Variants in SEPTIN8 observed in about 807,000 individuals in gnomAD.
SEPTIN8 encodes the protein septin 8.
In SEPTIN8, 22 loss-of-function variants were observed where a neutral mutation model predicts 53.1. That is an observed-to-expected ratio of 0.41 (90% CI 0.30 to 0.59). The LOEUF is 0.59. Among genes scored for constraint, SEPTIN8 ranks in the 20% least tolerant of loss-of-function variants. The probability of loss-of-function intolerance (pLI) is 0.24; values close to 1 mark genes in which losing one functional copy is unlikely to be tolerated. For synonymous variants in SEPTIN8, 228 were observed against 248.4 expected, an observed-to-expected ratio of 0.92 and a Z score of 0.77; for missense variants, 536 against 638.7, an observed-to-expected ratio of 0.84 and a Z score of 1.73.
chr5:132,761,155 T>C lies in SEPTIN8; in HGVS notation c.1073A>G (p.Glu358Gly), dbSNP rs1164773008. The C allele has an allele frequency of 6.2e-7, 1 of 1,614,074 alleles. No individual in the cohort carries two copies. Among genetic ancestry groups the C allele is most frequent in the African/African-American group, 1.3e-5 (1 of 74,910 alleles). The change falls in exon 8 of 10, where the codon GAG (glutamate) becomes GGG (glycine). Residue 358 changes from glutamate (E) to glycine (G), a missense_variant. Physicochemically the swap from Glu to Gly is moderately conservative, Grantham distance 98. Around this residue, in one of 3 missense-constraint regions of SEPTIN8, gnomAD observed 8 missense variants for 29.5 expected, o/e 0.27. Transcript: ENST00000378719. This position sits in a 1 kb window ranked among gnomAD's most constrained non-coding sequence, Gnocchi z 5.8. ...FVNKVKETEL[E>G]LKEKERELHE... ...TACCTCCCTTTCCTTCTCCTTCAGCTCCAGCTCTGTCTCCTTCACTTTGTT... is the reference window on the plus strand; with the variant it reads ...TACCTCCCTTTCCTTCTCCTTCAGCCCCAGCTCTGTCTCCTTCACTTTGTT...
At chr5:132,756,377 A>G in intron 9 of SEPTIN8, 2 of 984,802 alleles carry the variant, frequency 2.0e-6, no homozygotes, top group Non-Finnish European at 2.4e-6. Flanking sequence ...AATTTGGGCA[A>G]CGAATTATAT....
At chr5:132,764,478 C>A in intron 2 of SEPTIN8, 59 bp from the exon 3 acceptor site, 12 of 1,453,366 alleles carry the variant, frequency 8.3e-6, no homozygotes, top group Non-Finnish European at 1.1e-5. Context: ...ATGGGCTGTC[C>A]TTGACTGGTG....
chr5:132,754,214 G>C (rs1755131091), intron 9 of SEPTIN8: 2 of 557,132 alleles, frequency 3.6e-6, no homozygotes, highest in East Asian at 5.8e-5. Context: ...CCTTGCGAGA[G>C]TCAGATACAT....
intron 4 of SEPTIN8, among the ~76,000 whole-genome samples, chr5:132,762,931 C>A (rs1756146828): frequency 6.6e-6 from 1 of 152,302 alleles, no homozygotes; most frequent in South Asian, 2.1e-4. Context: ...CCAGCTTTGA[C>A]CCAGAATCCT....
At chr5:132,771,297 G>T (rs1021221070) in intron 1 of SEPTIN8, among the ~76,000 whole-genome samples, 1 of 152,326 alleles carries the variant, frequency 6.6e-6, no homozygotes, top group African/African-American at 2.4e-5. Context: ...AGCCGGGGAA[G>T]CTGTGGGTAA....
upstream of SEPTIN8, chr5:132,777,853 T>A (rs1175453708): frequency 1.0e-6 from 1 of 985,360 alleles, no homozygotes; most frequent in Non-Finnish European, 1.2e-6. The surrounding 1 kb of genome is among the most constrained non-coding windows in gnomAD (Gnocchi z 4.1). Context: ...TTCGGCTCCT[T>A]GTGCAACCAA....
chr5:132,759,752 C>T (rs1179315991), intron 9 of SEPTIN8, among the ~76,000 whole-genome samples: 1 of 152,130 alleles, frequency 6.6e-6, no homozygotes, highest in Non-Finnish European at 1.5e-5. Context: ...GGATGGTACC[C>T]AAGATAGGCC....
Position 132,761,809 on chromosome 5 carries a change from C to T in SEPTIN8, c.784G>A (p.Val262Met). 6.2e-7 allele frequency: 1 copy of T among 1,608,572 alleles called. No individual in the cohort carries two copies. Among genetic ancestry groups the T allele is most frequent in the Non-Finnish European group, 8.5e-7 (1 of 1,177,510 alleles). The change falls in exon 6 of 10, where the codon GTG (valine) becomes ATG (methionine). Residue 262 changes from valine (V) to methionine (M), a missense_variant. Physicochemically the swap from Val to Met is conservative, Grantham distance 21. Around this residue, in one of 3 missense-constraint regions of SEPTIN8, gnomAD observed 395 missense variants for 451.8 expected, o/e 0.87. Transcript: ENST00000378719. This position sits in a 1 kb window ranked among gnomAD's most constrained non-coding sequence, Gnocchi z 5.8. ...LVRARQYPWG[V>M]VQVENENHCD... The stretch of plus-strand genomic sequence containing the variant: ...TCCTGTCCACACTCACCCTGCACCA[C>T]TCCCCAGGGGTACTGCCGTGCTCGG...
In SEPTIN8 at chr5:132,777,002, G is replaced by A. The variant is rs1757866469; in HGVS notation, c.30+106C>T. 2.9e-6 allele frequency: 2 copies of A among 696,352 alleles called. No homozygotes were observed. Among genetic ancestry groups the A allele is most frequent in the Middle Eastern group, 5.6e-4 (1 of 1,792 alleles). 43.1% of individuals were successfully genotyped at this position (696,352 alleles called of 1,614,324 possible). On this transcript the variant is annotated intron_variant, in intron 1 of 9. Transcript: ENST00000378719. The surrounding 1 kb of genome is among the most constrained non-coding windows in gnomAD (Gnocchi z 4.1). ...TCGAGCTGGCCCGGTGTCGAGGCCC[G>A]GCCGTGAGGCGCTGACAGCCCGCTT...
Position 132,750,904 on chromosome 5 carries a change from T to C in SEPTIN8, c.*1112A>G. On this transcript the variant is annotated 3_prime_UTR_variant, in exon 10 of 10. Transcript: ENST00000378719. The stretch of plus-strand genomic sequence containing the variant: ...TCACAAAGCACTATGGCTCTGACTA[T>C]TCCCCGAATGAGCTGCTGAGGATGG... The C allele has an allele frequency of 6.2e-7, 1 of 1,614,270 alleles. No homozygotes were observed. The highest frequency in any genetic ancestry group is 1.1e-5 in the South Asian group (1 of 91,082).
upstream of SEPTIN8, chr5:132,778,017 A>C: frequency 1.0e-6 from 1 of 985,248 alleles, no homozygotes; most frequent in Non-Finnish European, 1.2e-6. Context: ...GAGGATGACC[A>C]CTCCCAGTGC....
intron 9 of SEPTIN8, chr5:132,753,389 AC>A: frequency 5.4e-6 from 1 of 183,812 alleles, no homozygotes; most frequent in Admixed American, 5.4e-5. Flanking sequence ...TTGCTGCTCT[AC>A]CTGCCAGAGC....
At chr5:132,754,595 T>C in intron 9 of SEPTIN8, 2 of 709,860 alleles carry the variant, frequency 2.8e-6, no homozygotes, top group South Asian at 3.0e-5. Flanking sequence ...TGGCTTTCTA[T>C]AAATGATAGA....
intron 1 of SEPTIN8, among the ~76,000 whole-genome samples, chr5:132,766,446 G>A (rs1215834696): frequency 6.6e-6 from 1 of 152,236 alleles, no homozygotes; most frequent in East Asian, 1.9e-4. Context: ...CCAAAGCAGA[G>A]GGTCATGGTC....
At chr5:132,763,952 G>A (rs892723320) in intron 3 of SEPTIN8, 60 bp from the exon 4 acceptor site, 42 of 1,486,944 alleles carry the variant, frequency 2.8e-5, no homozygotes, top group Non-Finnish European at 3.1e-5. Context: ...TGGGGCTTGG[G>A]GGGCTCAGGG....
In SEPTIN8 at chr5:132,764,331, G is replaced by C. The variant is rs376162756; in HGVS notation, c.240C>G (p.Cys80Trp). 2 of 1,614,078 alleles carry C rather than the reference G, an allele frequency of 1.2e-6. No homozygotes were observed. The highest frequency in any genetic ancestry group is 1.7e-5 in the Admixed American group (1 of 59,996). Residue 80 changes from cysteine (C) to tryptophan (W), a missense_variant, in exon 3 of 10, where the codon TGC becomes TGG. Physicochemically the swap from Cys to Trp is radical, Grantham distance 215 (BLOSUM62 -2). Transcript: ENST00000378719. ...ETEEASHHEA[C>W]VRLRPQTYDL... is the part of the protein sequence containing the mutation. ...CATAGGTCTGGGGCCGCAGGCGCAC[G>C]CATGCCTCATGGTGACTGGCTTCCT...
chr5:132,752,968 T>G (rs1293717342), intron 9 of SEPTIN8: 7 of 1,613,270 alleles, frequency 4.3e-6, no homozygotes, highest in Non-Finnish European at 5.9e-6. Flanking sequence ...ACCTGCCAAC[T>G]AGCCCCTCTG....
chr5:132,761,548 T>G lies in SEPTIN8; in HGVS notation c.872A>C (p.Gln291Pro), dbSNP rs374876169. The G allele has an allele frequency of 3.7e-6, 6 of 1,613,954 alleles. No homozygotes were observed. The highest frequency in any genetic ancestry group is 1.3e-5 in the African/African-American group (1 of 75,002). ...GAGCTCGTAGTGCCGGCTGTGGGTC[T>G]GCTCGCGGAGGTCTTCCATGTTCAC... ...IRVNMEDLRE[Q>P]THSRHYELYR... Residue 291 changes from glutamine (Q) to proline (P), a missense_variant, in exon 7 of 10, where the codon CAG becomes CCG. Transcript: ENST00000378719. The surrounding 1 kb of genome is among the most constrained non-coding windows in gnomAD (Gnocchi z 5.8).
intron 3 of SEPTIN8, 140 bp from the exon 4 acceptor site, chr5:132,764,032 T>A: frequency 3.0e-6 from 3 of 1,004,410 alleles, no homozygotes; most frequent in Non-Finnish European, 4.3e-6. Flanking sequence ...GATCCCTGAC[T>A]GGATACAGGC....
Sources: allele counts gnomAD v4.1 joint callset (sites outside exome capture counted in the v4.1 genomes callset), GRCh38; gene constraint gnomAD v4.1.1; regional missense constraint gnomAD v4.1.1; non-coding constraint Gnocchi (gnomAD v3.1); transcripts MANE v1.5; gene names NCBI Gene and HGNC (gene_info 2026-07-23, HGNC 2026-07-21).